NYAP2: variants seen among roughly 807,000 people sequenced by gnomAD.
NYAP2 encodes the protein neuronal tyrosine-phosphorylated phosphoinositide-3-kinase adaptor 2.
NYAP2 carries 23 observed loss-of-function variants against 50.4 expected under a neutral mutation model. The observed-to-expected ratio is 0.46, with a 90% CI of 0.33 to 0.65. The LOEUF (loss-of-function observed/expected upper bound fraction) is 0.65. NYAP2 is among the 30% of genes least tolerant of loss of function. The pLI is 0.02. For synonymous variants in NYAP2, 394 were observed against 365.2 expected, an observed-to-expected ratio of 1.08 and a Z score of -0.90; for missense variants, 885 against 861.0, an observed-to-expected ratio of 1.03 and a Z score of -0.35.
chr2:225,672,618 C>T, the NYAP2 span, among the ~76,000 whole-genome samples: 5 of 152,116 alleles, frequency 3.3e-5, no homozygotes, highest in African/African-American at 7.2e-5. Context: ...CAACAAGAAA[C>T]GTGGCATTTG....
At chr2:225,593,240 A>G (rs1235746771) in intron 5 of NYAP2, among the ~76,000 whole-genome samples, 2 of 152,174 alleles carry the variant, frequency 1.3e-5, no homozygotes, top group African/African-American at 4.8e-5. Context: ...GTTTCCATTA[A>G]CAAGCTTTGA....
At chr2:225,465,475 G>C (rs1689901780) in intron 3 of NYAP2, among the ~76,000 whole-genome samples, 1 of 152,062 alleles carries the variant, frequency 6.6e-6, no homozygotes, top group South Asian at 2.1e-4. Context: ...ACAGCACTTT[G>C]GGAGGCCGAG....
chr2:225,440,177 T>G lies in NYAP2; in HGVS notation c.221+31076T>G, dbSNP rs573514527. Among the ~76,000 whole-genome samples, 13 of 152,250 alleles carry G rather than the reference T, an allele frequency of 8.5e-5. 1 individual carries two copies. The highest frequency in any genetic ancestry group is 2.1e-4 in the South Asian group (1 of 4,830). On this transcript the variant is annotated intron_variant, in intron 3 of 6. Coordinates refer to ENST00000636099, the Ensembl canonical transcript of NYAP2. ...AGAGCAAAACCTTATCAAACAGCCA[T>G]TTTTTTACATGAGGCTAGCAGGCTA...
downstream of NYAP2, among the ~76,000 whole-genome samples, chr2:225,656,912 G>T (rs1044192935): frequency 6.6e-6 from 1 of 151,976 alleles, no homozygotes; most frequent in Admixed American, 6.6e-5. Flanking sequence ...CAAACAATTT[G>T]ATTTTGTTCC....
intron 4 of NYAP2, among the ~76,000 whole-genome samples, chr2:225,528,285 A>G (rs182468169): frequency 1.3e-5 from 2 of 152,314 alleles, no homozygotes; most frequent in East Asian, 3.9e-4. Flanking sequence ...CTAAAATTCT[A>G]TGGGATAATA....
At chr2:225,467,041 A>G (rs1689929633) in intron 3 of NYAP2, among the ~76,000 whole-genome samples, 1 of 152,186 alleles carries the variant, frequency 6.6e-6, no homozygotes. Flanking sequence ...CTACGTTGGC[A>G]TACTTCCGGA....
chr2:225,456,874 A>G (rs750122836), intron 3 of NYAP2, among the ~76,000 whole-genome samples: 2 of 152,176 alleles, frequency 1.3e-5, no homozygotes, highest in Admixed American at 6.5e-5. Context: ...TACTGGGCCC[A>G]TTGTATAAGT....
At chr2:225,497,365 A>G (rs1292180449) in intron 3 of NYAP2, among the ~76,000 whole-genome samples, 3 of 152,156 alleles carry the variant, frequency 2.0e-5, no homozygotes, top group Non-Finnish European at 1.5e-5. Flanking sequence ...TTTGGCTCTT[A>G]AGTAGCGTCT....
chr2:225,618,658 A>G (rs764900594), intron 5 of NYAP2, among the ~76,000 whole-genome samples: 1 of 152,198 alleles, frequency 6.6e-6, no homozygotes, highest in Non-Finnish European at 1.5e-5. Flanking sequence ...GAAAGAGCAA[A>G]TATAGAGAAA....
At position 225,428,303 on chromosome 2, in the gene NYAP2, G is replaced by T. The variant is rs141359056; in HGVS notation, c.221+19202G>T. On this transcript the variant is annotated intron_variant, in intron 3 of 6. Coordinates refer to ENST00000636099, the Ensembl canonical transcript of NYAP2. ...TCTTTTTCAATATAGGAATCCAGGG[G>T]AAACCTGGAAAGATTACTTGAAACT... Among the ~76,000 whole-genome samples, 174 of 152,280 alleles carry T rather than the reference G, an allele frequency of 1.1e-3. 1 individual carries two copies. Among genetic ancestry groups the T allele is most frequent in the African/African-American group, 4.1e-3 (169 of 41,556 alleles).
chr2:225,484,878 T>A (rs548955072), intron 3 of NYAP2, among the ~76,000 whole-genome samples: 3 of 152,310 alleles, frequency 2.0e-5, no homozygotes, highest in African/African-American at 7.2e-5. Context: ...ATCAGCATCA[T>A]CTAGAAATGA....
intron 4 of NYAP2, among the ~76,000 whole-genome samples, chr2:225,534,778 A>T (rs1691317768): frequency 6.6e-6 from 1 of 152,224 alleles, no homozygotes; most frequent in African/African-American, 2.4e-5. Context: ...TCTGGTAAAA[A>T]GTAAAGCAAG....
intron 3 of NYAP2, among the ~76,000 whole-genome samples, chr2:225,466,819 G>A (rs547714701): frequency 2.0e-5 from 3 of 152,234 alleles, no homozygotes; most frequent in South Asian, 2.1e-4. Flanking sequence ...ACAGGCCTGC[G>A]GCAACCTCAA....
In NYAP2 at chr2:225,528,406, C is replaced by T. The variant is rs186601900; in HGVS notation, c.523+14734C>T. ...TTGCTCCACATAATGGAAATCATCC[C>T]GCCGCAAAGTGCTTGGATTATTTTA... On this transcript the variant is annotated intron_variant, in intron 4 of 6. Transcript: ENST00000636099. Among the ~76,000 whole-genome samples, 260 of 152,198 alleles carry T rather than the reference C, an allele frequency of 1.7e-3. 1 individual carries two copies. The highest frequency in any genetic ancestry group is 5.8e-3 in the African/African-American group (240 of 41,510).
the NYAP2 span, among the ~76,000 whole-genome samples, chr2:225,689,217 G>A: frequency 9.2e-5 from 14 of 152,240 alleles, no homozygotes; most frequent in South Asian, 2.1e-3. Flanking sequence ...ATAGATTGAA[G>A]CATTAGGTGT....
chr2:225,633,637 A>T (rs1693358287), intron 6 of NYAP2, among the ~76,000 whole-genome samples: 1 of 152,174 alleles, frequency 6.6e-6, no homozygotes, highest in Admixed American at 6.6e-5. Flanking sequence ...TACAAGGAAA[A>T]TCTATTGCAA....
chr2:225,512,984 G>C (rs1333892946), intron 3 of NYAP2, among the ~76,000 whole-genome samples: 1 of 151,406 alleles, frequency 6.6e-6, no homozygotes, highest in South Asian at 2.1e-4. Context: ...ATATTAAGCA[G>C]ATAAAAGCAG....
At chr2:225,672,258 G>A in the NYAP2 span, among the ~76,000 whole-genome samples, 1 of 152,054 alleles carries the variant, frequency 6.6e-6, no homozygotes, top group Non-Finnish European at 1.5e-5. Context: ...AGTTATTTTA[G>A]CTAGATGTTC....
the NYAP2 span, among the ~76,000 whole-genome samples, chr2:225,678,339 AATTT>A: frequency 6.6e-6 from 1 of 151,914 alleles, no homozygotes; most frequent in African/African-American, 2.4e-5. Flanking sequence ...ATGATCTATC[AATTT>A]ATTTATTCTT....
Sources: gnomAD v4.1 joint callset for allele counts (sites outside exome capture counted in the v4.1 genomes callset) on GRCh38, gnomAD v4.1.1 for gene constraint, MANE v1.5 for transcripts, NCBI Gene and HGNC (gene_info 2026-07-23, HGNC 2026-07-21) for gene names.